Variants in DLGAP1 observed in about 807,000 individuals in gnomAD.
DLGAP1 encodes disks large-associated protein 1.
Under a neutral mutation model 90.8 loss-of-function variants are expected in DLGAP1, and 11 were observed. The observed-to-expected ratio is 0.12, with a 90% confidence interval of 0.08 to 0.20. The LOEUF (loss-of-function observed/expected upper bound fraction) is 0.20. Ranked by LOEUF, DLGAP1 falls within the 10% of genes least tolerant of loss-of-function variation. The pLI is 1.00. For missense variants in DLGAP1, 1,050 were observed against 1,333.8 expected, an observed-to-expected ratio of 0.79 and a Z score of 3.31; for synonymous variants, 558 against 540.7, an observed-to-expected ratio of 1.03 and a Z score of -0.44.
intron 2 of DLGAP1, among the ~76,000 whole-genome samples, chr18:4,112,879 G>A (rs2075998130): frequency 1.3e-5 from 2 of 152,064 alleles, no homozygotes; most frequent in Admixed American, 6.6e-5. Flanking sequence ...CTGTTCCCGT[G>A]TTAATTTGCT....
intron 4 of DLGAP1, among the ~76,000 whole-genome samples, chr18:3,855,052 C>T (rs7233601): frequency 0.02 from 3,031 of 152,108 alleles, 99 homozygotes; most frequent in African/African-American, 0.07. Context: ...TGCCCATGAA[C>T]GACAGACTGG....
At chr18:4,305,398 G>A (rs1459086710) in intron 1 of DLGAP1, among the ~76,000 whole-genome samples, 5 of 151,932 alleles carry the variant, frequency 3.3e-5, no homozygotes, top group Admixed American at 6.5e-5. Flanking sequence ...GCTGGGTGTG[G>A]TGGCACGCGC....
At chr18:3,908,738 C>A (rs1201407582) in intron 3 of DLGAP1, among the ~76,000 whole-genome samples, 1 of 152,164 alleles carries the variant, frequency 6.6e-6, no homozygotes, top group Non-Finnish European at 1.5e-5. Context: ...CAGGTAACAT[C>A]CAATTTTGCA....
chr18:3,811,430 GA>G (rs1394213450), intron 5 of DLGAP1, among the ~76,000 whole-genome samples: 2 of 151,876 alleles, frequency 1.3e-5, no homozygotes, highest in African/African-American at 4.8e-5. Flanking sequence ...ATAAACATAG[GA>G]AAAAAAAGTT....
chr18:3,877,248 C>G (rs942376155), intron 4 of DLGAP1, among the ~76,000 whole-genome samples: 3 of 152,106 alleles, frequency 2.0e-5, no homozygotes, highest in Non-Finnish European at 4.4e-5. Context: ...CTTTTCACCA[C>G]TACCTGAGAT....
At chr18:4,451,850 T>TAAAA (rs1323663912) in intron 1 of DLGAP1, among the ~76,000 whole-genome samples, 1 of 151,628 alleles carries the variant, frequency 6.6e-6, no homozygotes, top group South Asian at 2.1e-4. Flanking sequence ...TTCTTTAAAA[T>TAAAA]AAAAAAAATG....
Position 4,040,653 on chromosome 18 carries a change from A to G in DLGAP1, c.-158-35452T>C, listed in dbSNP as rs532685932. On this transcript the variant is annotated intron_variant, in intron 2 of 12. Transcript: ENST00000315677. ...ATTTGAGTGAGGACTCATTTCAGCCAAGGTATCAGTTTGTTGATAAGTGGT... is the reference window on the plus strand; with the variant it reads ...ATTTGAGTGAGGACTCATTTCAGCCGAGGTATCAGTTTGTTGATAAGTGGT... Among the ~76,000 whole-genome samples, 5 of 152,356 alleles carry G rather than the reference A, an allele frequency of 3.3e-5. No individual in the cohort carries two copies. In the East Asian group the frequency reaches 9.6e-4, roughly 29 times the overall value.
intron 4 of DLGAP1, among the ~76,000 whole-genome samples, chr18:3,815,201 T>C (rs2067043075): frequency 6.6e-6 from 1 of 152,218 alleles, no homozygotes; most frequent in African/African-American, 2.4e-5. Flanking sequence ...CTTTCGACTT[T>C]ACCATCTCAT....
intron 3 of DLGAP1, among the ~76,000 whole-genome samples, chr18:3,881,805 C>T (rs2071177929): frequency 1.3e-5 from 2 of 151,984 alleles, no homozygotes. Flanking sequence ...CCCAGCTACT[C>T]GGGAGGCTGA....
At chr18:4,281,862 C>G (rs368556429) in intron 1 of DLGAP1, among the ~76,000 whole-genome samples, 6 of 152,098 alleles carry the variant, frequency 3.9e-5, no homozygotes, top group African/African-American at 1.2e-4. Flanking sequence ...TACCTATATA[C>G]TTCCTATGTT....
intron 2 of DLGAP1, among the ~76,000 whole-genome samples, chr18:4,018,254 G>A (rs142966700): frequency 5.9e-5 from 9 of 152,180 alleles, no homozygotes; most frequent in African/African-American, 1.9e-4. Context: ...AAGAAGGATC[G>A]GGTGGGAGGG....
chr18:3,829,281 G>C (rs923526519), intron 4 of DLGAP1, among the ~76,000 whole-genome samples: 1 of 152,158 alleles, frequency 6.6e-6, no homozygotes, highest in African/African-American at 2.4e-5. Context: ...CATATGACAT[G>C]CTAACTCATT....
At chr18:3,828,942 G>A (rs1005505224) in intron 4 of DLGAP1, among the ~76,000 whole-genome samples, 3 of 152,092 alleles carry the variant, frequency 2.0e-5, no homozygotes, top group African/African-American at 7.2e-5. Flanking sequence ...TAAGAGCCAG[G>A]TACATGGTAA....
intron 1 of DLGAP1, among the ~76,000 whole-genome samples, chr18:4,258,972 C>T (rs1377647552): frequency 6.6e-6 from 1 of 152,160 alleles, no homozygotes; most frequent in African/African-American, 2.4e-5. Flanking sequence ...GTTAGGAATA[C>T]TGCCAAGCAA....
At chr18:3,534,795 G>T (rs1323667781) in intron 9 of DLGAP1, among the ~76,000 whole-genome samples, 180 bp from the exon 10 acceptor site, 2 of 150,066 alleles carry the variant, frequency 1.3e-5, no homozygotes, top group Admixed American at 1.3e-4. Context: ...AGGTTCAAGC[G>T]ATTCTCCCAC....
At chr18:4,281,552 C>A (rs560117804) in intron 1 of DLGAP1, among the ~76,000 whole-genome samples, 4 of 152,142 alleles carry the variant, frequency 2.6e-5, no homozygotes. Flanking sequence ...GAAACTCCAT[C>A]TCAAAAAAAT....
intron 2 of DLGAP1, among the ~76,000 whole-genome samples, chr18:4,149,955 G>T (rs2076647118): frequency 6.6e-6 from 1 of 152,196 alleles, no homozygotes; most frequent in African/African-American, 2.4e-5. Context: ...TGCTCCTTGG[G>T]GAAATCCAAA....
intron 7 of DLGAP1, among the ~76,000 whole-genome samples, chr18:3,596,015 T>A (rs934010698): frequency 1.3e-5 from 2 of 152,164 alleles, no homozygotes; most frequent in African/African-American, 4.8e-5. Flanking sequence ...AGGCCCAAGG[T>A]CAGGGTTACA....
Position 4,383,143 on chromosome 18 carries a change from A to G in DLGAP1, c.-267+71863T>C, listed in dbSNP as rs2082163951. On this transcript the variant is annotated intron_variant, in intron 1 of 12. Transcript: ENST00000315677. This position sits in a 1 kb window ranked among gnomAD's most constrained non-coding sequence, Gnocchi z 4.0. Reference sequence around the variant, plus strand: ...ACCTTCACTCCTTTTTACAAAAGCTAAATGTCCTAAGAATTACTGCATCAT... The same window carrying G: ...ACCTTCACTCCTTTTTACAAAAGCTGAATGTCCTAAGAATTACTGCATCAT... 6.6e-6 allele frequency among the ~76,000 whole-genome samples: 1 copy of G among 152,184 alleles called. No individual in the cohort carries two copies.
Sources: gnomAD v4.1 joint callset for allele counts (sites outside exome capture counted in the v4.1 genomes callset) on GRCh38, gnomAD v4.1.1 for gene constraint, Gnocchi (gnomAD v3.1) non-coding constraint, MANE v1.5 for transcripts, NCBI Gene and HGNC (gene_info 2026-07-23, HGNC 2026-07-21) for gene names.